Variants in IGF2 observed in about 807,000 individuals in gnomAD.
IGF2 encodes insulin-like growth factor 2.
Under a neutral mutation model 12.0 loss-of-function variants are expected in IGF2, and 2 were observed. That is an observed-to-expected ratio of 0.17 (90% CI 0.07 to 0.52). The LOEUF (loss-of-function observed/expected upper bound fraction) is 0.52. Ranked by LOEUF, IGF2 falls within the 20% of genes least tolerant of loss-of-function variation. The probability of loss-of-function intolerance (pLI) is 0.95; values close to 1 mark genes in which losing one functional copy is unlikely to be tolerated. For missense variants in IGF2, 211 were observed against 268.0 expected (o/e 0.79, Z 1.48); for synonymous variants, 105 against 110.1 (o/e 0.95, Z 0.29).
upstream of IGF2, chr11:2,140,026 G>C: frequency 9.0e-7 from 1 of 1,115,656 alleles, no homozygotes; most frequent in Non-Finnish European, 1.2e-6. Flanking sequence ...TGCGGGACGC[G>C]CGGAAGGCCG....
chr11:2,134,290 C>A, intron 2 of IGF2: 1 of 389,224 alleles, frequency 2.6e-6, no homozygotes, highest in Non-Finnish European at 5.1e-6. Context: ...GTGCCATCAG[C>A]CGGAGGAGGG....
chr11:2,149,144 G>C, the IGF2 span: 1 of 1,613,354 alleles, frequency 6.2e-7, no homozygotes, highest in African/African-American at 1.3e-5. Flanking sequence ...TAGTCCCTGC[G>C]CAGTCCCCGC....
At chr11:2,140,252 G>C, upstream of IGF2, 1 of 1,613,084 alleles carries the variant, frequency 6.2e-7, no homozygotes, top group Non-Finnish European at 8.5e-7. Context: ...ACGCGAGTTC[G>C]GTCTCGGGGG....
chr11:2,148,836 C>T, the IGF2 span: 1 of 459,402 alleles, frequency 2.2e-6, no homozygotes. The surrounding 1 kb of genome is among the most constrained non-coding windows in gnomAD (Gnocchi z 4.3). Flanking sequence ...CCTACCCCTC[C>T]CATTTTGCTT....
At chr11:2,146,096 C>A, upstream of IGF2, 1 of 428,140 alleles carries the variant, frequency 2.3e-6, no homozygotes, top group East Asian at 5.8e-5. Context: ...CTGGCAAACC[C>A]ACATTCCACA....
At chr11:2,147,752 G>A in the IGF2 span, 4 of 1,249,072 alleles carry the variant, frequency 3.2e-6, no homozygotes, top group East Asian at 1.3e-4. This position sits in a 1 kb window ranked among gnomAD's most constrained non-coding sequence, Gnocchi z 7.2. Flanking sequence ...GAGCCCTGGG[G>A]CTGGGGGCTG....
upstream of IGF2, among the ~76,000 whole-genome samples, chr11:2,142,976 T>TCTACA (rs1345181295): frequency 2.0e-5 from 3 of 152,104 alleles, no homozygotes; most frequent in African/African-American, 7.2e-5. The surrounding 1 kb of genome is among the most constrained non-coding windows in gnomAD (Gnocchi z 5.7). Context: ...AGGGACCTGA[T>TCTACA]TCGTGGCCAG....
chr11:2,145,053 C>A (rs533445678), upstream of IGF2, among the ~76,000 whole-genome samples: 7 of 152,220 alleles, frequency 4.6e-5, no homozygotes, highest in East Asian at 1.4e-3. Context: ...ACCCACAGAA[C>A]AAGACACGTG....
rs952173844 is a variant in IGF2, at chr11:2,131,747, G to A, written c.*1240C>T. On this transcript the variant is annotated 3_prime_UTR_variant, in exon 4 of 4. Transcript: ENST00000416167. Reference sequence around the variant, plus strand: ...TGTGCTGTGTTCGCGTGTGTGTGCTGTGTGTGCATGTGTGTGCTGTGTCTT... The same window carrying A: ...TGTGCTGTGTTCGCGTGTGTGTGCTATGTGTGCATGTGTGTGCTGTGTCTT... The A allele has an allele frequency of 1.8e-4, 37 of 204,574 alleles. No individual in the cohort carries two copies. Among genetic ancestry groups the A allele is most frequent in the Middle Eastern group, 3.4e-3 (2 of 592 alleles). The allele number at this position is 204,574 out of a possible 1,614,324, so 12.7% of individuals were successfully genotyped here.
rs1291905636 is a variant in IGF2 at position 2,130,298 on chromosome 11, C to T, written c.*2689G>A. On this transcript the variant is annotated 3_prime_UTR_variant, in exon 4 of 4. Coordinates refer to ENST00000416167, the MANE Select transcript of IGF2 (RefSeq NM_000612.6). ...CCTCAGGACTTCTGGGGACCAGCCA[C>T]TGTCCCCAGAAGCCAGGCCGGACAG... 7 of 230,060 alleles carry T rather than the reference C, an allele frequency of 3.0e-5. No individual in the cohort carries two copies. In the East Asian group the frequency reaches 3.7e-4, roughly 12 times the overall value. 14.3% of individuals were successfully genotyped at this position (230,060 alleles called of 1,614,324 possible). A position where few individuals can be genotyped will look rare whatever the true frequency, so the allele number is the denominator to read the frequency against.
At chr11:2,146,257 G>T in the IGF2 span, 643 of 533,412 alleles carry the variant, frequency 1.2e-3, 4 homozygotes, top group African/African-American at 0.011. Flanking sequence ...CTGGCTCTGA[G>T]CTCACCGCTC....
At position 2,131,958 on chromosome 11, in the gene IGF2, CTG is replaced by C. The variant is rs1433219270; in HGVS notation, c.*1027_*1028del. The stretch of plus-strand genomic sequence containing the variant: ...CGTGTGTGTGCCGTGCGTTTGTGTG[CTG>C]TGTGTGCATGTGTGTGCGTGTGTGT... On this transcript the variant is annotated 3_prime_UTR_variant, in exon 4 of 4. Transcript: ENST00000416167. The C allele has an allele frequency of 1.0e-4, 13 of 124,086 alleles. No homozygotes were observed. The highest frequency in any genetic ancestry group is 2.5e-4 in the East Asian group (2 of 7,994). 7.7% of individuals were successfully genotyped at this position (124,086 alleles called of 1,614,324 possible).
At chr11:2,139,769 G>C (rs886869324), upstream of IGF2, among the ~76,000 whole-genome samples, 1 of 151,882 alleles carries the variant, frequency 6.6e-6, no homozygotes, top group Admixed American at 6.6e-5. Flanking sequence ...AGGGGCAGGC[G>C]GGCTCCCAGC....
upstream of IGF2, chr11:2,140,938 G>T: frequency 2.9e-6 from 1 of 346,448 alleles, no homozygotes; most frequent in Non-Finnish European, 5.5e-6. Flanking sequence ...GGCGGTGGAC[G>T]CTGCTGAAGG....
intron 2 of IGF2, among the ~76,000 whole-genome samples, chr11:2,134,967 C>T (rs1012970678): frequency 3.9e-5 from 6 of 152,218 alleles, no homozygotes; most frequent in Non-Finnish European, 5.9e-5. Flanking sequence ...ATTCACCGAA[C>T]GCACGTCCCT....
At chr11:2,137,756 T>G (rs1298108060) in intron 1 of IGF2, among the ~76,000 whole-genome samples, 3 of 152,086 alleles carry the variant, frequency 2.0e-5, no homozygotes, top group African/African-American at 7.2e-5. Flanking sequence ...TCCTGCCAAC[T>G]CGGCCCCTCT....
intron 1 of IGF2, chr11:2,137,136 T>A: frequency 1.3e-5 from 10 of 770,868 alleles, no homozygotes; most frequent in Non-Finnish European, 1.6e-5. Flanking sequence ...CTGCCCTGCC[T>A]CAGGCTGGAG....
chr11:2,129,537 T>C lies in IGF2; in HGVS notation c.*3450A>G, dbSNP rs754829205. On this transcript the variant is annotated 3_prime_UTR_variant, in exon 4 of 4. Coordinates refer to ENST00000416167, the MANE Select transcript of IGF2 (RefSeq NM_000612.6). This position sits in a 1 kb window ranked among gnomAD's most constrained non-coding sequence, Gnocchi z 8.1. Reference sequence around the variant, plus strand: ...TATAACACTGGGTGGGTGGGTGTCCTGACGAATGGGCAGGTAATTTGGGGT... The same window carrying C: ...TATAACACTGGGTGGGTGGGTGTCCCGACGAATGGGCAGGTAATTTGGGGT... 4.4e-6 allele frequency: 1 copy of C among 228,040 alleles called. No individual in the cohort carries two copies. Among genetic ancestry groups the C allele is most frequent in the Non-Finnish European group, 8.7e-6 (1 of 114,576 alleles). The allele number at this position is 228,040 out of a possible 1,614,324, so 14.1% of individuals were successfully genotyped here. A position where few individuals can be genotyped will look rare whatever the true frequency, so the allele number is the denominator to read the frequency against.
Position 2,131,901 on chromosome 11 carries a change from GTT to G in IGF2, c.*1084_*1085del, listed in dbSNP as rs1443697594. The G allele has an allele frequency of 6.1e-6, 1 of 162,716 alleles. No individual in the cohort carries two copies. Among genetic ancestry groups the G allele is most frequent in the Non-Finnish European group, 1.2e-5 (1 of 80,622 alleles). 10.1% of individuals were successfully genotyped at this position (162,716 alleles called of 1,614,324 possible). On this transcript the variant is annotated 3_prime_UTR_variant, in exon 4 of 4. Transcript: ENST00000416167. Reference sequence around the variant, plus strand: ...TGCTGTGCGTTTGTGTGTGCTGTGCGTTTGTGTGTGTGCTGTGTGTGCATGTG... The same window carrying G: ...TGCTGTGCGTTTGTGTGTGCTGTGCGTGTGTGTGTGCTGTGTGTGCATGTG...
Sources: allele counts gnomAD v4.1 joint callset (sites outside exome capture counted in the v4.1 genomes callset), GRCh38; gene constraint gnomAD v4.1.1; non-coding constraint Gnocchi (gnomAD v3.1); transcripts MANE v1.5; gene names NCBI Gene and HGNC (gene_info 2026-07-23, HGNC 2026-07-21).